Variants in SMIM23 observed in about 807,000 individuals in gnomAD.
The protein encoded by SMIM23 is small integral membrane protein 23, also known as CTB-78H18.1.
SMIM23 carries 10 observed loss-of-function variants against 12.8 expected under a neutral mutation model. That is an observed-to-expected ratio of 0.78 (90% CI 0.48 to 1.32). The LOEUF is 1.32. Among genes scored for constraint, SMIM23 ranks in the 40% most tolerant of loss-of-function variants. The pLI is 0.00. For synonymous variants in SMIM23, 78 were observed against 80.1 expected (o/e 0.97, Z 0.14); for missense variants, 184 against 198.2 (o/e 0.93, Z 0.43).
upstream of SMIM23, among the ~76,000 whole-genome samples, chr5:171,777,737 C>G (rs1022881941): frequency 6.6e-6 from 1 of 152,234 alleles, no homozygotes; most frequent in Non-Finnish European, 1.5e-5. Flanking sequence ...GTCTCCATCT[C>G]AGTGCAGAAT....
chr5:171,787,434 C>T (rs57098878), intron 1 of SMIM23, among the ~76,000 whole-genome samples: 1,784 of 152,294 alleles, frequency 0.012, 36 homozygotes, highest in African/African-American at 0.04. Flanking sequence ...AAACTCAATC[C>T]TAGTCCATGT....
upstream of SMIM23, among the ~76,000 whole-genome samples, chr5:171,778,695 T>G (rs111962916): frequency 2.1e-3 from 315 of 152,298 alleles, 1 homozygote; most frequent in African/African-American, 7.3e-3. Flanking sequence ...TTTCCAGAAC[T>G]ACAAAAAATT....
chr5:171,779,298 G>T (rs1755688391), upstream of SMIM23, among the ~76,000 whole-genome samples: 1 of 152,192 alleles, frequency 6.6e-6, no homozygotes, highest in Non-Finnish European at 1.5e-5. Context: ...GGACACACGT[G>T]TTATGATTTT....
upstream of SMIM23, among the ~76,000 whole-genome samples, chr5:171,779,982 T>C (rs779086318): frequency 5.0e-4 from 76 of 152,120 alleles, no homozygotes; most frequent in Non-Finnish European, 9.8e-4. Flanking sequence ...ATTATTATTA[T>C]TGGCCTCACT....
chr5:171,774,454 G>A, the SMIM23 span: 7 of 456,168 alleles, frequency 1.5e-5, no homozygotes, highest in African/African-American at 8.0e-5. Context: ...GCTCACCGTC[G>A]GACCTCTCCC....
At chr5:171,789,727 C>T (rs563554032) in intron 1 of SMIM23, among the ~76,000 whole-genome samples, 1 of 152,280 alleles carries the variant, frequency 6.6e-6, no homozygotes, top group East Asian at 1.9e-4. Context: ...GGTTATGGAA[C>T]AGGCAAAACT....
upstream of SMIM23, among the ~76,000 whole-genome samples, chr5:171,781,824 T>C (rs1017446146): frequency 6.6e-6 from 1 of 152,130 alleles, no homozygotes; most frequent in African/African-American, 2.4e-5. Context: ...TCTGTCTAGC[T>C]AGAGGATTGT....
chr5:171,775,560 C>G, the SMIM23 span, among the ~76,000 whole-genome samples: 3 of 152,136 alleles, frequency 2.0e-5, no homozygotes, highest in African/African-American at 7.2e-5. Context: ...ACCGTAAGTG[C>G]CTCCCCTGAA....
At chr5:171,783,843 C>G (rs1755765449), upstream of SMIM23, among the ~76,000 whole-genome samples, 1 of 152,212 alleles carries the variant, frequency 6.6e-6, no homozygotes, top group Non-Finnish European at 1.5e-5. Flanking sequence ...AAAGAACTGT[C>G]TCAAAACTCA....
At chr5:171,778,031 G>A (rs1178674114), upstream of SMIM23, among the ~76,000 whole-genome samples, 1 of 152,190 alleles carries the variant, frequency 6.6e-6, no homozygotes, top group Non-Finnish European at 1.5e-5. Context: ...TGCAAAATAG[G>A]ACTTTGCAGA....
the SMIM23 span, chr5:171,773,525 T>C: frequency 3.1e-6 from 1 of 324,308 alleles, no homozygotes; most frequent in Non-Finnish European, 5.9e-6. Context: ...TCTGAAGATG[T>C]GGAAGGCTTT....
At chr5:171,774,281 C>A in the SMIM23 span, 1 of 390,854 alleles carries the variant, frequency 2.6e-6, no homozygotes, top group Admixed American at 2.9e-5. Flanking sequence ...AGATCCCATG[C>A]TTGCTCCACC....
chr5:171,786,126 G>A, intron 1 of SMIM23, 150 bp downstream of exon 1: 1 of 629,378 alleles, frequency 1.6e-6, no homozygotes, highest in South Asian at 2.0e-5. Flanking sequence ...TAGGGGCCTA[G>A]GCACTTCTTG....
At chr5:171,790,141 C>T (rs538740850) in intron 1 of SMIM23, 89 bp from the exon 2 acceptor site, 8 of 1,301,096 alleles carry the variant, frequency 6.1e-6, no homozygotes, top group Admixed American at 2.0e-5. Context: ...ATAAGCATTC[C>T]CATGTCTGGC....
upstream of SMIM23, among the ~76,000 whole-genome samples, chr5:171,782,160 G>A (rs1011510731): frequency 6.6e-6 from 1 of 152,232 alleles, no homozygotes; most frequent in African/African-American, 2.4e-5. Flanking sequence ...CACCGTGAGG[G>A]TTTGCAGCTT....
chr5:171,781,060 C>T (rs184330997), upstream of SMIM23, among the ~76,000 whole-genome samples: 7 of 152,322 alleles, frequency 4.6e-5, no homozygotes, highest in African/African-American at 1.7e-4. Flanking sequence ...GCACTTTGCA[C>T]AATGCCCAGT....
upstream of SMIM23, among the ~76,000 whole-genome samples, chr5:171,778,447 TCACACACACACACACACACACA>T (rs4041455): frequency 2.8e-5 from 4 of 141,546 alleles, no homozygotes; most frequent in South Asian, 2.3e-4. Flanking sequence ...TGGGAAAATT[TCACACACACACACACACACACA>T]CACACACACA....
chr5:171,788,466 CTT>C (rs1755859311), intron 1 of SMIM23, among the ~76,000 whole-genome samples: 1 of 151,986 alleles, frequency 6.6e-6, no homozygotes, highest in African/African-American at 2.4e-5. Context: ...AAAGAGGTCT[CTT>C]GTTTCCTCTC....
chr5:171,772,835 G>A, the SMIM23 span, among the ~76,000 whole-genome samples: 9 of 152,156 alleles, frequency 5.9e-5, no homozygotes, highest in Non-Finnish European at 1.2e-4. Flanking sequence ...CCGTCTGGTC[G>A]CTGGCAAGCA....
Sources: gnomAD v4.1 joint callset for allele counts (sites outside exome capture counted in the v4.1 genomes callset) on GRCh38, gnomAD v4.1.1 for gene constraint, MANE v1.5 for transcripts, NCBI Gene and HGNC (gene_info 2026-07-23, HGNC 2026-07-21) for gene names.